Variants in TNFRSF1B observed in about 807,000 individuals in gnomAD.
TNFRSF1B encodes the protein tumor necrosis factor receptor superfamily member 1B.
TNFRSF1B carries 19 observed loss-of-function variants against 44.6 expected under a neutral mutation model. The ratio of observed to expected loss-of-function variants is 0.43; its 90% CI spans 0.30 to 0.62. TNFRSF1B has a LOEUF of 0.62. Ranked by LOEUF, TNFRSF1B falls within the 20% of genes least tolerant of loss-of-function variation. The pLI is 0.16. For missense variants in TNFRSF1B, 541 were observed against 619.9 expected, an observed-to-expected ratio of 0.87 and a Z score of 1.35; for synonymous variants, 252 against 261.1, an observed-to-expected ratio of 0.97 and a Z score of 0.34.
intron 1 of TNFRSF1B, among the ~76,000 whole-genome samples, chr1:12,176,338 G>GT (rs1417780143): frequency 6.6e-6 from 1 of 152,248 alleles, no homozygotes; most frequent in Admixed American, 6.5e-5. Context: ...ACACGAGGCT[G>GT]TAAGTTTAGG....
chr1:12,208,207 T>G lies in TNFRSF1B; in HGVS notation c.*1187T>G, dbSNP rs768216982. On this transcript the variant is annotated 3_prime_UTR_variant, in exon 10 of 10. Transcript: ENST00000376259. ...CCCCGCGCCTCCTTCCTTGCTGTCC[T>G]AGGCCACACCATCTCCTTTCAGGGA... 2.0e-5 allele frequency: 3 copies of G among 152,960 alleles called. No individual in the cohort carries two copies. The highest frequency in any genetic ancestry group is 4.4e-5 in the Non-Finnish European group (3 of 68,144). 9.5% of individuals were successfully genotyped at this position (152,960 alleles called of 1,614,324 possible).
At chr1:12,188,602 G>C (rs1639038641) in intron 1 of TNFRSF1B, among the ~76,000 whole-genome samples, 194 bp from the exon 2 acceptor site, 1 of 152,180 alleles carries the variant, frequency 6.6e-6, no homozygotes, top group Admixed American at 6.5e-5. Flanking sequence ...CTGAGGTGGG[G>C]AGGCAGGGGA....
chr1:12,207,214 G>T lies in TNFRSF1B; in HGVS notation c.*194G>T. On this transcript the variant is annotated 3_prime_UTR_variant, in exon 10 of 10. Coordinates refer to ENST00000376259, the MANE Select transcript of TNFRSF1B (RefSeq NM_001066.3). Reference sequence around the variant, plus strand: ...GCCAAGAGCAGAGGCAGCGAGTTGTGGAAAGCCTCTGCTGCCATGGCGTGT... The same window carrying T: ...GCCAAGAGCAGAGGCAGCGAGTTGTTGAAAGCCTCTGCTGCCATGGCGTGT... 1 of 514,970 alleles carries T rather than the reference G, an allele frequency of 1.9e-6. No individual in the cohort carries two copies. The highest frequency in any genetic ancestry group is 3.2e-6 in the Non-Finnish European group (1 of 307,692). The allele number at this position is 514,970 out of a possible 1,614,324, so 31.9% of individuals were successfully genotyped here.
chr1:12,194,542 T>A, intron 7 of TNFRSF1B, 42 bp from the exon 8 acceptor site: 1 of 1,613,444 alleles, frequency 6.2e-7, no homozygotes, highest in Non-Finnish European at 8.5e-7. Context: ...CAGATGTGCC[T>A]GAGGAAGTCA....
rs1277545644 is a variant in TNFRSF1B at position 12,207,959 on chromosome 1, C to T, written c.*939C>T. ...CCAAATGCCAACTTGTCCTTTTGTA[C>T]CATGGTGTGAAAGTCAGATGCCCAG... On this transcript the variant is annotated 3_prime_UTR_variant, in exon 10 of 10. Transcript: ENST00000376259. 1 of 151,594 alleles carries T rather than the reference C, an allele frequency of 6.6e-6. No individual in the cohort carries two copies. The highest frequency in any genetic ancestry group is 1.5e-5 in the Non-Finnish European group (1 of 67,870). The allele number at this position is 151,594 out of a possible 1,614,324, so 9.4% of individuals were successfully genotyped here. A position where few individuals can be genotyped will look rare whatever the true frequency, so the allele number is the denominator to read the frequency against.
chr1:12,170,408 G>T (rs892499024), intron 1 of TNFRSF1B, among the ~76,000 whole-genome samples: 2 of 152,194 alleles, frequency 1.3e-5, no homozygotes, highest in African/African-American at 4.8e-5. Context: ...TTCCCTGCCT[G>T]GCCTTTGTCA....
At chr1:12,206,561 G>A (rs1639507035) in intron 9 of TNFRSF1B, among the ~76,000 whole-genome samples, 179 bp from the exon 10 acceptor site, 1 of 152,142 alleles carries the variant, frequency 6.6e-6, no homozygotes, top group Non-Finnish European at 1.5e-5. Context: ...GGGAAAATGA[G>A]GCACATGCAG....
In TNFRSF1B at chr1:12,168,551, TGCCGCTGA is replaced by T. The variant is rs1232170748; in HGVS notation, c.78+1385_78+1392del. Among the ~76,000 whole-genome samples the T allele has an allele frequency of 1.3e-5, 2 of 152,142 alleles. No individual in the cohort carries two copies. The highest frequency in any genetic ancestry group is 2.9e-5 in the Non-Finnish European group (2 of 68,008). ...ACTCTGGCCTCAGAGGGGGTCTTCC[TGCCGCTGA>T]GCTTGGGCCTGCCTGGGTGAACTCT... is the stretch of plus-strand genomic sequence containing the variant. On this transcript the variant is annotated intron_variant, in intron 1 of 9. Transcript: ENST00000376259. The surrounding 1 kb of genome is among the most constrained non-coding windows in gnomAD (Gnocchi z 4.7).
intron 1 of TNFRSF1B, among the ~76,000 whole-genome samples, chr1:12,173,545 T>G (rs1638566522): frequency 6.6e-6 from 1 of 152,182 alleles, no homozygotes; most frequent in Non-Finnish European, 1.5e-5. Flanking sequence ...TGGCACCTTT[T>G]CAAGTTCGGG....
intron 1 of TNFRSF1B, among the ~76,000 whole-genome samples, chr1:12,185,121 GT>G (rs1468625806): frequency 6.7e-6 from 1 of 148,900 alleles, no homozygotes; most frequent in Non-Finnish European, 1.5e-5. Context: ...GGAATGGCTT[GT>G]GCAGAGGGAG....
chr1:12,191,635 G>A (rs768887765), intron 3 of TNFRSF1B, 139 bp from the exon 4 acceptor site: 101 of 1,000,486 alleles, frequency 1.0e-4, no homozygotes, highest in Non-Finnish European at 1.4e-4. Flanking sequence ...GACTCTGGCC[G>A]GTGTTGTGTG....
At chr1:12,191,413 G>A (rs566176180) in intron 3 of TNFRSF1B, among the ~76,000 whole-genome samples, 3 of 152,000 alleles carry the variant, frequency 2.0e-5, no homozygotes, top group Non-Finnish European at 2.9e-5. Flanking sequence ...GGGACTGCGG[G>A]GAAGAGCGGG....
At position 12,207,115 on chromosome 1, in the gene TNFRSF1B, T is replaced by A; in HGVS notation, c.*95T>A. On this transcript the variant is annotated 3_prime_UTR_variant, in exon 10 of 10. Transcript: ENST00000376259. The stretch of plus-strand genomic sequence containing the variant: ...CCTGGTCCTTCCAGGCCCCCACCAC[T>A]AGGACTCTGAGGCTCTTTCTGGGCC... 1 of 1,354,920 alleles carries A rather than the reference T, an allele frequency of 7.4e-7. No homozygotes were observed. Among genetic ancestry groups the A allele is most frequent in the Non-Finnish European group, 9.8e-7 (1 of 1,016,380 alleles). 83.9% of individuals were successfully genotyped at this position (1,354,920 alleles called of 1,614,324 possible).
At chr1:12,183,712 T>TAGCTAG (rs1557629040) in intron 1 of TNFRSF1B, among the ~76,000 whole-genome samples, 15 of 57,178 alleles carry the variant, frequency 2.6e-4, no homozygotes, top group African/African-American at 7.2e-4. Flanking sequence ...ATCTATCTAT[T>TAGCTAG]CTATCTACCT....
rs17879634 is a variant in TNFRSF1B at position 12,178,689 on chromosome 1, G to A, written c.79-10107G>A. On this transcript the variant is annotated intron_variant, in intron 1 of 9. Coordinates refer to ENST00000376259, the MANE Select transcript of TNFRSF1B (RefSeq NM_001066.3). This position sits in a 1 kb window ranked among gnomAD's most constrained non-coding sequence, Gnocchi z 4.3. Reference sequence around the variant, plus strand: ...TCAGCACTGCCAGGTCGGGGGTGGCGGGTCAGGACGTTTGGGCAGAGGCAG... The same window carrying A: ...TCAGCACTGCCAGGTCGGGGGTGGCAGGTCAGGACGTTTGGGCAGAGGCAG... Among the ~76,000 whole-genome samples the A allele has an allele frequency of 4.5e-3, 692 of 152,242 alleles. 8 individuals are homozygous for A. The highest frequency in any genetic ancestry group is 0.016 in the African/African-American group (652 of 41,544).
intron 2 of TNFRSF1B, 81 bp downstream of exon 2, chr1:12,188,976 C>A (rs1639050338): frequency 2.5e-6 from 3 of 1,221,994 alleles, no homozygotes; most frequent in Non-Finnish European, 3.5e-6. Context: ...AAGAGCATAG[C>A]CCTTGATTCT....
Position 12,206,869 on chromosome 1 carries a change from C to T in TNFRSF1B, c.1235C>T (p.Pro412Leu), listed in dbSNP as rs762997433. 1.9e-6 allele frequency: 3 copies of T among 1,614,104 alleles called. No individual in the cohort carries two copies. Among genetic ancestry groups the T allele is most frequent in the South Asian group, 1.1e-5 (1 of 91,088 alleles). ...ACAATGGGAGACACAGATTCCAGCCCCTCGGAGTCCCCGAAGGACGAGCAG... is the reference window on the plus strand; with the variant it reads ...ACAATGGGAGACACAGATTCCAGCCTCTCGGAGTCCCCGAAGGACGAGCAG... ...SSTMGDTDSS[P>L]SESPKDEQVP... Residue 412 changes from proline to leucine, a missense_variant, in exon 10 of 10, where the codon CCC becomes CTC. By Grantham distance (98) the Pro-to-Leu change is moderately conservative. Coordinates refer to ENST00000376259, the MANE Select transcript of TNFRSF1B (RefSeq NM_001066.3).
At chr1:12,191,161 C>T in intron 3 of TNFRSF1B, 76 bp downstream of exon 3, 1 of 1,565,666 alleles carries the variant, frequency 6.4e-7, no homozygotes, top group Non-Finnish European at 8.7e-7. Context: ...GCCTCTTTGG[C>T]TTCCAGCTGT....
At chr1:12,193,189 C>T in intron 6 of TNFRSF1B, 91 bp downstream of exon 6, 1 of 1,205,150 alleles carries the variant, frequency 8.3e-7, no homozygotes, top group Non-Finnish European at 1.2e-6. Flanking sequence ...TACTGAGAGC[C>T]CACGGGGGGC....
Sources: gnomAD v4.1 joint callset for allele counts (sites outside exome capture counted in the v4.1 genomes callset) on GRCh38, gnomAD v4.1.1 for gene constraint, Gnocchi (gnomAD v3.1) non-coding constraint, MANE v1.5 for transcripts, NCBI Gene and HGNC (gene_info 2026-07-23, HGNC 2026-07-21) for gene names.